Variants in FAM163A observed in about 807,000 individuals in gnomAD.
FAM163A encodes the protein protein FAM163A.
In FAM163A, 7 loss-of-function variants were observed where a neutral mutation model predicts 12.0. The ratio of observed to expected loss-of-function variants is 0.58; its 90% CI spans 0.33 to 1.10. FAM163A has a LOEUF of 1.10. Ranked by LOEUF, FAM163A falls within the 50% of genes least tolerant of loss-of-function variation. The pLI, the probability that FAM163A is intolerant of heterozygous loss-of-function variation, is 0.03. For missense variants in FAM163A, 202 were observed against 218.6 expected, an observed-to-expected ratio of 0.92 and a Z score of 0.48; for synonymous variants, 101 against 91.0, an observed-to-expected ratio of 1.11 and a Z score of -0.62.
chr1:179,744,620 G>A (rs187686953), intron 1 of FAM163A, among the ~76,000 whole-genome samples: 354 of 152,308 alleles, frequency 2.3e-3, no homozygotes, highest in Admixed American at 3.5e-3. Flanking sequence ...GAACTGTGGG[G>A]CCCTGGAAGT....
intron 1 of FAM163A, among the ~76,000 whole-genome samples, chr1:179,785,424 CA>C (rs1690464056): frequency 2.0e-5 from 3 of 152,180 alleles, no homozygotes; most frequent in Admixed American, 2.0e-4. Context: ...AGACGGAGAT[CA>C]AAAAGGCATT....
the FAM163A span, among the ~76,000 whole-genome samples, chr1:179,729,226 G>A: frequency 6.6e-6 from 1 of 152,156 alleles, no homozygotes; most frequent in African/African-American, 2.4e-5. Flanking sequence ...AACAGTCATT[G>A]CCTTGCATTG....
At chr1:179,768,460 C>G (rs928888894) in intron 1 of FAM163A, among the ~76,000 whole-genome samples, 3 of 152,204 alleles carry the variant, frequency 2.0e-5, no homozygotes, top group Non-Finnish European at 4.4e-5. Context: ...TCTGGTCTAA[C>G]ATGGTGTTAG....
chr1:179,737,704 A>G, the FAM163A span, among the ~76,000 whole-genome samples: 5 of 152,096 alleles, frequency 3.3e-5, no homozygotes, highest in Admixed American at 6.5e-5. Context: ...GCGTGGTGGC[A>G]GGCGCCTGTA....
At chr1:179,747,059 G>T (rs1347234561) in intron 1 of FAM163A, among the ~76,000 whole-genome samples, 3 of 151,952 alleles carry the variant, frequency 2.0e-5, no homozygotes, top group Non-Finnish European at 4.4e-5. Context: ...TTGGGTAAAG[G>T]AGCAAGAGGA....
chr1:179,761,665 G>A (rs933191372), intron 1 of FAM163A, among the ~76,000 whole-genome samples: 1 of 152,126 alleles, frequency 6.6e-6, no homozygotes, highest in African/African-American at 2.4e-5. Flanking sequence ...AGACAGGGCC[G>A]GCTCAACGAA....
intron 1 of FAM163A, among the ~76,000 whole-genome samples, chr1:179,797,405 G>A (rs1692480581): frequency 6.6e-6 from 1 of 152,042 alleles, no homozygotes; most frequent in Non-Finnish European, 1.5e-5. Flanking sequence ...CCAAGATCAC[G>A]CCACTGCACT....
At chr1:179,769,511 T>C (rs1687970308) in intron 1 of FAM163A, among the ~76,000 whole-genome samples, 1 of 152,216 alleles carries the variant, frequency 6.6e-6, no homozygotes, top group African/African-American at 2.4e-5. Flanking sequence ...TGCCTCCCAC[T>C]CTTCAAGAAC....
intron 1 of FAM163A, among the ~76,000 whole-genome samples, chr1:179,770,729 C>T (rs1377090964): frequency 6.6e-6 from 1 of 152,136 alleles, no homozygotes; most frequent in East Asian, 1.9e-4. Context: ...AGCTGAACCT[C>T]GCTTCCTCCA....
the FAM163A span, among the ~76,000 whole-genome samples, chr1:179,734,680 C>T: frequency 1.5e-4 from 23 of 152,152 alleles, no homozygotes; most frequent in Non-Finnish European, 2.4e-4. Flanking sequence ...CCAAAGGCCC[C>T]ACCTCCAAAT....
intron 1 of FAM163A, among the ~76,000 whole-genome samples, chr1:179,782,285 A>G (rs545311651): frequency 3.9e-5 from 6 of 152,020 alleles, no homozygotes; most frequent in Non-Finnish European, 2.9e-5. Flanking sequence ...TTAATTTAAC[A>G]GACCTGGGAC....
intron 1 of FAM163A, among the ~76,000 whole-genome samples, chr1:179,794,250 C>G (rs1349793062): frequency 1.3e-5 from 2 of 152,292 alleles, no homozygotes; most frequent in Admixed American, 1.3e-4. Context: ...TTCTTACCAC[C>G]AAAAAATTAG....
chr1:179,806,781 C>T (rs1338879655), intron 1 of FAM163A, among the ~76,000 whole-genome samples: 4 of 152,092 alleles, frequency 2.6e-5, no homozygotes, highest in Non-Finnish European at 2.9e-5. Flanking sequence ...CAGACTCTTC[C>T]GAATAATGTT....
At chr1:179,740,245 C>A (rs1303173235), upstream of FAM163A, among the ~76,000 whole-genome samples, 1 of 152,138 alleles carries the variant, frequency 6.6e-6, no homozygotes, top group East Asian at 1.9e-4. Flanking sequence ...GTGGTTCAAT[C>A]CTAGCTTACT....
At chr1:179,731,922 A>G in the FAM163A span, among the ~76,000 whole-genome samples, 1 of 152,198 alleles carries the variant, frequency 6.6e-6, no homozygotes, top group Non-Finnish European at 1.5e-5. Flanking sequence ...CTATTCAGAT[A>G]TTTTTGCATA....
At chr1:179,787,931 G>A (rs974192781) in intron 1 of FAM163A, among the ~76,000 whole-genome samples, 1 of 152,300 alleles carries the variant, frequency 6.6e-6, no homozygotes, top group South Asian at 2.1e-4. Context: ...TCTGGGGACC[G>A]TTACAAAGCG....
upstream of FAM163A, among the ~76,000 whole-genome samples, chr1:179,739,352 A>T (rs748368170): frequency 6.6e-6 from 1 of 152,224 alleles, no homozygotes; most frequent in Non-Finnish European, 1.5e-5. Flanking sequence ...TACAAAGTGC[A>T]TGTAAAGAGG....
intron 1 of FAM163A, among the ~76,000 whole-genome samples, chr1:179,792,283 TTGTGTGTGTGTGTG>T (rs3075152): frequency 1.3e-4 from 18 of 133,656 alleles, no homozygotes; most frequent in East Asian, 2.3e-4. Flanking sequence ...CCATATCTGA[TTGTGTGTGTGTGTG>T]TGTGTGTGTG....
chr1:179,790,840 A>G (rs1352470833), intron 1 of FAM163A, among the ~76,000 whole-genome samples: 1 of 152,212 alleles, frequency 6.6e-6, no homozygotes, highest in Non-Finnish European at 1.5e-5. Context: ...CACAGAAGAG[A>G]CTAAGTAGAA....
Sources: gnomAD v4.1 joint callset for allele counts (sites outside exome capture counted in the v4.1 genomes callset) on GRCh38, gnomAD v4.1.1 for gene constraint, MANE v1.5 for transcripts, NCBI Gene and HGNC (gene_info 2026-07-23, HGNC 2026-07-21) for gene names.